Variants in GNAQ observed in about 807,000 individuals in gnomAD.
GNAQ encodes G protein subunit alpha q.
In GNAQ, 8 loss-of-function variants were observed where a neutral mutation model predicts 43.9. The observed-to-expected ratio is 0.18, with a 90% CI of 0.11 to 0.33. The LOEUF is 0.33. Among genes scored for constraint, GNAQ ranks in the 10% least tolerant of loss-of-function variants. The probability of loss-of-function intolerance (pLI) is 1.00; values close to 1 mark genes in which losing one functional copy is unlikely to be tolerated. For synonymous variants in GNAQ, 155 were observed against 170.7 expected, an observed-to-expected ratio of 0.91 and a Z score of 0.71; for missense variants, 158 against 450.8, an observed-to-expected ratio of 0.35 and a Z score of 5.88.
At chr9:77,844,468 C>T (rs1827547143) in intron 2 of GNAQ, among the ~76,000 whole-genome samples, 1 of 151,942 alleles carries the variant, frequency 6.6e-6, no homozygotes, top group Non-Finnish European at 1.5e-5. Flanking sequence ...TAAAATAAAC[C>T]ATCAGAAAAA....
chr9:77,983,792 A>G (rs565098720), intron 1 of GNAQ, among the ~76,000 whole-genome samples: 186 of 152,110 alleles, frequency 1.2e-3, no homozygotes, highest in African/African-American at 4.3e-3. Flanking sequence ...TGAAATGACC[A>G]CTGACTCTAT....
At chr9:78,014,968 T>C (rs1277400188) in intron 1 of GNAQ, among the ~76,000 whole-genome samples, 2 of 152,190 alleles carry the variant, frequency 1.3e-5, no homozygotes, top group Non-Finnish European at 2.9e-5. Flanking sequence ...ATGTTTGTGG[T>C]AATACTTGTG....
chr9:77,920,197 GT>G (rs1828976172), intron 2 of GNAQ, among the ~76,000 whole-genome samples: 1 of 151,916 alleles, frequency 6.6e-6, no homozygotes, highest in Non-Finnish European at 1.5e-5. Context: ...TCTTCAATGT[GT>G]TACATGAATA....
intron 1 of GNAQ, among the ~76,000 whole-genome samples, chr9:77,962,614 G>A (rs1467317188): frequency 6.6e-6 from 1 of 152,140 alleles, no homozygotes; most frequent in Non-Finnish European, 1.5e-5. Flanking sequence ...GGAAGGCCAG[G>A]CACAGAGACT....
intron 2 of GNAQ, among the ~76,000 whole-genome samples, chr9:77,901,582 A>G (rs1000485461): frequency 1.3e-5 from 2 of 152,118 alleles, no homozygotes; most frequent in African/African-American, 4.8e-5. Context: ...TCAATGTCTT[A>G]TAAGTGTCTG....
intron 1 of GNAQ, among the ~76,000 whole-genome samples, chr9:78,023,084 G>A (rs1314283931): frequency 2.6e-5 from 4 of 152,176 alleles, no homozygotes; most frequent in African/African-American, 4.8e-5. Context: ...CCACTGGTCC[G>A]TGATAGATTA....
chr9:77,864,389 A>C (rs757673027), intron 2 of GNAQ, among the ~76,000 whole-genome samples: 1 of 152,168 alleles, frequency 6.6e-6, no homozygotes, highest in Non-Finnish European at 1.5e-5. Flanking sequence ...TGCTTTACAT[A>C]GCAAAGGGAA....
At chr9:77,841,921 C>T (rs1172250060) in intron 2 of GNAQ, among the ~76,000 whole-genome samples, 3 of 152,058 alleles carry the variant, frequency 2.0e-5, no homozygotes, top group Non-Finnish European at 4.4e-5. Flanking sequence ...CCTCTACTGC[C>T]CAAAAGCATG....
In GNAQ at chr9:77,827,838, G is replaced by A. The variant is rs140777529; in HGVS notation, c.322-12068C>T. ...TTGTTAAAAAATATATGAGTTAGAG[G>A]AAGAAATTCATCTCTTTTAACCTAA... is the stretch of plus-strand genomic sequence containing the variant. On this transcript the variant is annotated intron_variant, in intron 2 of 6. Coordinates refer to ENST00000286548, the MANE Select transcript of GNAQ (RefSeq NM_002072.5). Among the ~76,000 whole-genome samples the A allele has an allele frequency of 2.5e-4, 38 of 151,772 alleles. 1 individual carries two copies. The highest frequency in any genetic ancestry group is 2.3e-3 in the Admixed American group (35 of 15,238).
intron 2 of GNAQ, among the ~76,000 whole-genome samples, chr9:77,889,422 A>C (rs1000087709): frequency 9.4e-5 from 5 of 53,444 alleles, no homozygotes; most frequent in East Asian, 3.2e-4. Context: ...AAAAAAAAAA[A>C]AAAAAAAAAA....
chr9:77,892,612 G>A (rs531616268), intron 2 of GNAQ, among the ~76,000 whole-genome samples: 21 of 152,164 alleles, frequency 1.4e-4, no homozygotes, highest in Non-Finnish European at 2.5e-4. Flanking sequence ...ACAGTCATAA[G>A]CAATGTTTTG....
At chr9:78,020,495 G>A (rs1167738947) in intron 1 of GNAQ, among the ~76,000 whole-genome samples, 4 of 152,146 alleles carry the variant, frequency 2.6e-5, no homozygotes, top group Middle Eastern at 3.4e-3. Context: ...CCACCAAGGC[G>A]TCTACACTTA....
At chr9:77,930,374 C>T (rs1347592470) in intron 1 of GNAQ, among the ~76,000 whole-genome samples, 3 of 152,250 alleles carry the variant, frequency 2.0e-5, no homozygotes, top group East Asian at 3.9e-4. Flanking sequence ...TTTTCCTACT[C>T]GTTTTTTAAA....
At chr9:77,893,222 T>C (rs1292598592) in intron 2 of GNAQ, among the ~76,000 whole-genome samples, 2 of 152,198 alleles carry the variant, frequency 1.3e-5, no homozygotes, top group African/African-American at 2.4e-5. Flanking sequence ...CATAAAGACC[T>C]TGCTGATAAA....
intron 5 of GNAQ, among the ~76,000 whole-genome samples, chr9:77,759,104 G>C (rs1472744317): frequency 6.6e-6 from 1 of 152,122 alleles, no homozygotes; most frequent in Non-Finnish European, 1.5e-5. Context: ...CAGAATTTCT[G>C]TAGATTCATG....
intron 3 of GNAQ, among the ~76,000 whole-genome samples, chr9:77,799,518 T>C (rs933516598): frequency 6.6e-6 from 1 of 152,218 alleles, no homozygotes; most frequent in Non-Finnish European, 1.5e-5. Flanking sequence ...TATGCTGAGA[T>C]TTAGTTTTAG....
intron 1 of GNAQ, among the ~76,000 whole-genome samples, chr9:77,989,803 T>C (rs569536048): frequency 6.6e-6 from 1 of 152,384 alleles, no homozygotes; most frequent in South Asian, 2.1e-4. Context: ...GTTTCATAGA[T>C]GATTATTAAT....
intron 5 of GNAQ, among the ~76,000 whole-genome samples, chr9:77,776,352 T>C (rs138419192): frequency 6.6e-6 from 1 of 152,230 alleles, no homozygotes; most frequent in African/African-American, 2.4e-5. Context: ...ACAATTTAGA[T>C]TAAAAGACAC....
intron 2 of GNAQ, among the ~76,000 whole-genome samples, chr9:77,903,993 C>A (rs758544965): frequency 6.6e-6 from 1 of 152,104 alleles, no homozygotes; most frequent in African/African-American, 2.4e-5. Context: ...AATGTAAATG[C>A]CCTTACAAGG....
Sources: allele counts gnomAD v4.1 joint callset (sites outside exome capture counted in the v4.1 genomes callset), GRCh38; gene constraint gnomAD v4.1.1; transcripts MANE v1.5; gene names NCBI Gene and HGNC (gene_info 2026-07-23, HGNC 2026-07-21).